The following KIF5C variants were observed in gnomAD, a reference collection of about 807,000 sequenced individuals.
KIF5C encodes the protein kinesin family member 5C, also known as kinesin heavy chain isoform 5C.
A neutral mutation model predicts 125.2 loss-of-function variants in KIF5C; 18 were observed. That is an observed-to-expected ratio of 0.14 (90% CI 0.10 to 0.21). The LOEUF is 0.21. Among genes scored for constraint, KIF5C ranks in the 10% least tolerant of loss-of-function variants. The probability of loss-of-function intolerance (pLI) is 1.00; values close to 1 mark genes in which losing one functional copy is unlikely to be tolerated. For synonymous variants in KIF5C, 405 were observed against 434.0 expected, an observed-to-expected ratio of 0.93 and a Z score of 0.83; for missense variants, 780 against 1,183.8, an observed-to-expected ratio of 0.66 and a Z score of 5.01.
chr2:148,909,313 C>T (rs989163766), intron 1 of KIF5C, among the ~76,000 whole-genome samples: 1 of 152,206 alleles, frequency 6.6e-6, no homozygotes. Context: ...CTGCTCTTCC[C>T]GCTGCTGGCA....
At chr2:148,948,698 C>T (rs1017056079) in intron 8 of KIF5C, among the ~76,000 whole-genome samples, 7 of 152,074 alleles carry the variant, frequency 4.6e-5, no homozygotes, top group African/African-American at 1.7e-4. Context: ...GGTGTTCTTC[C>T]CTTAGGCTGG....
chr2:149,011,485 G>A, intron 24 of KIF5C, 85 bp from the exon 25 acceptor site: 1 of 1,534,976 alleles, frequency 6.5e-7, no homozygotes, highest in Non-Finnish European at 8.8e-7. Context: ...ACTTTTAGTT[G>A]TCACAGGTGA....
chr2:148,875,577 C>A lies in KIF5C; in HGVS notation c.-41C>A. 1 of 551,988 alleles carries A rather than the reference C, an allele frequency of 1.8e-6. No homozygotes were observed. 34.2% of individuals were successfully genotyped at this position (551,988 alleles called of 1,614,324 possible). A position where few individuals can be genotyped will look rare whatever the true frequency, so the allele number is the denominator to read the frequency against. ...CTCCCTCGTCGTTCCCGGCCCCGGCCCCCCACCCATCCCCGTGCCCCCTCC... is the reference window on the plus strand; with the variant it reads ...CTCCCTCGTCGTTCCCGGCCCCGGCACCCCACCCATCCCCGTGCCCCCTCC... On this transcript the variant is annotated 5_prime_UTR_variant, in exon 1 of 26. Transcript: ENST00000435030.
chr2:148,976,414 C>T (rs1283339207), intron 12 of KIF5C, among the ~76,000 whole-genome samples: 3 of 151,788 alleles, frequency 2.0e-5, no homozygotes, highest in African/African-American at 7.3e-5. Context: ...GGACTACAGG[C>T]GCACACCACC....
At chr2:149,008,919 T>A (rs773923721) in intron 23 of KIF5C, among the ~76,000 whole-genome samples, 68 of 152,066 alleles carry the variant, frequency 4.5e-4, no homozygotes, top group Middle Eastern at 6.4e-3. Flanking sequence ...GCAGAAACTG[T>A]CAGGGAGCTT....
intron 2 of KIF5C, among the ~76,000 whole-genome samples, chr2:148,923,543 C>T (rs1681875911): frequency 6.6e-6 from 1 of 152,154 alleles, no homozygotes; most frequent in African/African-American, 2.4e-5. Context: ...CATGTTTTCT[C>T]TGTTTTTGCA....
intron 21 of KIF5C, among the ~76,000 whole-genome samples, chr2:149,004,906 C>T (rs1368318526): frequency 6.6e-6 from 1 of 152,204 alleles, no homozygotes; most frequent in Non-Finnish European, 1.5e-5. Context: ...TGACTTAAAA[C>T]AAGCAAGTGT....
chr2:148,993,860 A>G (rs1440651110), intron 16 of KIF5C, among the ~76,000 whole-genome samples: 1 of 152,144 alleles, frequency 6.6e-6, no homozygotes, highest in African/African-American at 2.4e-5. Flanking sequence ...GTGCTGTAAG[A>G]AAGTGTTGGG....
intron 1 of KIF5C, chr2:148,877,270 C>A (rs1482048929): frequency 1.3e-5 from 2 of 152,348 alleles, no homozygotes; most frequent in Admixed American, 1.3e-4. Context: ...TTCTCACCTC[C>A]CCATTTTCAC....
intron 10 of KIF5C, among the ~76,000 whole-genome samples, chr2:148,957,588 C>A (rs71413643): frequency 1.1e-5 from 1 of 88,300 alleles, no homozygotes; most frequent in Non-Finnish European, 2.1e-5. Context: ...AATGTTTGTT[C>A]TAGTAAAAAA....
intron 15 of KIF5C, among the ~76,000 whole-genome samples, chr2:148,987,951 T>C (rs1375761043): frequency 6.6e-6 from 1 of 151,958 alleles, no homozygotes; most frequent in Non-Finnish European, 1.5e-5. Context: ...GCTTGAGAGA[T>C]GGGGGTAGGG....
At chr2:148,989,607 T>C (rs2105170521) in intron 15 of KIF5C, among the ~76,000 whole-genome samples, 1 of 152,356 alleles carries the variant, frequency 6.6e-6, no homozygotes, top group East Asian at 1.9e-4. Context: ...CCACCAGCAG[T>C]GTAAAAGCAT....
At chr2:148,984,405 T>C (rs1681320394) in intron 15 of KIF5C, among the ~76,000 whole-genome samples, 1 of 152,226 alleles carries the variant, frequency 6.6e-6, no homozygotes, top group Non-Finnish European at 1.5e-5. Context: ...AATTTTGTTT[T>C]GGTGCCATGG....
chr2:148,977,404 G>C (rs537472841), intron 12 of KIF5C, among the ~76,000 whole-genome samples: 1 of 152,292 alleles, frequency 6.6e-6, no homozygotes, highest in African/African-American at 2.4e-5. Context: ...AGAGATGGTG[G>C]CTCTCCGATG....
Position 148,876,847 on chromosome 2 carries a change from C to T in KIF5C, c.126+1104C>T, listed in dbSNP as rs1681207636. Among the ~76,000 whole-genome samples, 1 of 152,198 alleles carries T rather than the reference C, an allele frequency of 6.6e-6. No individual in the cohort carries two copies. Among genetic ancestry groups the T allele is most frequent in the Admixed American group, 6.5e-5 (1 of 15,288 alleles). ...ATGGGAGCCTCCCGGTCCCCGCTGA[C>T]ACGTTCCTGGCAGCCTGCTCCAGGC... On this transcript the variant is annotated intron_variant, in intron 1 of 25. Transcript: ENST00000435030. The surrounding 1 kb of genome is among the most constrained non-coding windows in gnomAD (Gnocchi z 4.7).
intron 21 of KIF5C, among the ~76,000 whole-genome samples, chr2:149,004,823 A>C (rs1257592837): frequency 6.6e-6 from 1 of 152,202 alleles, no homozygotes; most frequent in East Asian, 1.9e-4. Flanking sequence ...AAACTGAGGC[A>C]CAGAAAGGTT....
chr2:148,970,513 G>C (rs938502910), intron 11 of KIF5C, among the ~76,000 whole-genome samples: 1 of 152,232 alleles, frequency 6.6e-6, no homozygotes, highest in African/African-American at 2.4e-5. Context: ...TGTGATTAAT[G>C]AGACCTGTTA....
At chr2:148,969,459 GTGTA>G (rs1259256168) in intron 11 of KIF5C, among the ~76,000 whole-genome samples, 1 of 151,330 alleles carries the variant, frequency 6.6e-6, no homozygotes, top group African/African-American at 2.4e-5. Context: ...GTGTGTGTGT[GTGTA>G]TGTGTGTGGG....
intron 7 of KIF5C, among the ~76,000 whole-genome samples, chr2:148,946,349 C>T (rs1409893833): frequency 6.6e-6 from 1 of 152,110 alleles, no homozygotes; most frequent in Non-Finnish European, 1.5e-5. Context: ...TTCCAGTACC[C>T]CATCTTAATG....
Sources: allele counts gnomAD v4.1 joint callset (sites outside exome capture counted in the v4.1 genomes callset), GRCh38; gene constraint gnomAD v4.1.1; non-coding constraint Gnocchi (gnomAD v3.1); transcripts MANE v1.5; gene names NCBI Gene and HGNC (gene_info 2026-07-23, HGNC 2026-07-21).